The following EML6 variants were observed in gnomAD, a reference collection of about 807,000 sequenced individuals.
EML6 encodes the protein EMAP like 6.
Under a neutral mutation model 240.1 loss-of-function variants are expected in EML6, and 154 were observed. The observed-to-expected ratio is 0.64, with a 90% CI of 0.56 to 0.73. The LOEUF (loss-of-function observed/expected upper bound fraction) is 0.73. EML6 is among the 30% of genes least tolerant of loss of function. The pLI, the probability that EML6 is intolerant of heterozygous loss-of-function variation, is 0.00. For missense variants in EML6, 2,964 were observed against 2,474.6 expected (o/e 1.20, Z -4.20); for synonymous variants, 1,148 against 899.0 (o/e 1.28, Z -4.95).
intron 15 of EML6, among the ~76,000 whole-genome samples, chr2:54,870,940 C>G (rs7583424): frequency 6.6e-6 from 1 of 152,144 alleles, no homozygotes; most frequent in Admixed American, 6.5e-5. Flanking sequence ...AAAAACCACT[C>G]TACTATTATA....
At chr2:54,872,532 C>T (rs1046666072) in intron 16 of EML6, among the ~76,000 whole-genome samples, 9 of 152,190 alleles carry the variant, frequency 5.9e-5, no homozygotes, top group Admixed American at 5.9e-4. Flanking sequence ...GTCCATCCCA[C>T]CCTCTTCTGG....
At chr2:54,782,366 A>T (rs1668890610) in intron 2 of EML6, among the ~76,000 whole-genome samples, 2 of 152,230 alleles carry the variant, frequency 1.3e-5, no homozygotes. Context: ...AAGCATGATA[A>T]AAATGAGATT....
At chr2:54,791,641 T>G (rs1669458937) in intron 2 of EML6, among the ~76,000 whole-genome samples, 1 of 152,182 alleles carries the variant, frequency 6.6e-6, no homozygotes, top group Non-Finnish European at 1.5e-5. Flanking sequence ...CCTTTTGTTC[T>G]TCTCTCCATG....
chr2:54,869,849 C>A (rs1173143170), intron 15 of EML6, among the ~76,000 whole-genome samples: 1 of 151,874 alleles, frequency 6.6e-6, no homozygotes, highest in African/African-American at 2.4e-5. Flanking sequence ...TTTTGAAATG[C>A]CTTAACCTTA....
At chr2:54,924,630 C>T (rs148331376) in intron 26 of EML6, among the ~76,000 whole-genome samples, 77 of 152,276 alleles carry the variant, frequency 5.1e-4, no homozygotes, top group African/African-American at 1.1e-3. Context: ...GGCGTGATCT[C>T]GGCTCACTGC....
chr2:54,927,703 T>C (rs1674630501), intron 26 of EML6, among the ~76,000 whole-genome samples: 1 of 152,238 alleles, frequency 6.6e-6, no homozygotes, highest in Non-Finnish European at 1.5e-5. Flanking sequence ...CAAAAAGCTT[T>C]TAGTCGTTAC....
chr2:54,820,108 G>C (rs542568250), intron 4 of EML6, among the ~76,000 whole-genome samples: 35 of 152,228 alleles, frequency 2.3e-4, no homozygotes, highest in Admixed American at 5.2e-4. Context: ...ATCCTAAATT[G>C]TCCATTTGTT....
At chr2:54,957,418 C>T (rs1179317709) in intron 32 of EML6, among the ~76,000 whole-genome samples, 2 of 149,368 alleles carry the variant, frequency 1.3e-5, no homozygotes, top group Non-Finnish European at 3.0e-5. Context: ...GGGAGCGGCT[C>T]TGTCATCCTG....
chr2:54,752,260 T>G (rs1385584045), intron 2 of EML6, among the ~76,000 whole-genome samples: 2 of 152,232 alleles, frequency 1.3e-5, no homozygotes, highest in African/African-American at 2.4e-5. Context: ...GAAAAAATTA[T>G]TCATAGTTGA....
chr2:54,889,198 T>G (rs937343182), intron 17 of EML6, among the ~76,000 whole-genome samples: 2 of 152,198 alleles, frequency 1.3e-5, no homozygotes, highest in Non-Finnish European at 2.9e-5. Flanking sequence ...TTATGGAGCC[T>G]TTATAGATTG....
chr2:54,961,184 G>GTTGTTTTTTTTTTTTTGTTT lies in EML6; in HGVS notation c.4968+852_4968+853insGTTTTTTTTTTTTTGTTTTT. On this transcript the variant is annotated intron_variant, in intron 35 of 41. Coordinates refer to ENST00000356458, the MANE Select transcript of EML6 (RefSeq NM_001039753.4). Reference sequence around the variant, plus strand: ...GGAGCCTGGAAGTTATCAGGAAGTAGTTTTTTTTTTTTTTTTTTTGAGACG... The same window carrying GTTGTTTTTTTTTTTTTGTTT: ...GGAGCCTGGAAGTTATCAGGAAGTAGTTGTTTTTTTTTTTTTGTTTTTTTTTTTTTTTTTTTTTTGAGACG... Among the ~76,000 whole-genome samples the GTTGTTTTTTTTTTTTTGTTT allele has an allele frequency of 5.4e-5, 3 of 55,416 alleles. 1 individual carries two copies. Among genetic ancestry groups the GTTGTTTTTTTTTTTTTGTTT allele is most frequent in the African/African-American group, 2.4e-4 (3 of 12,370 alleles). 36.4% of individuals were successfully genotyped at this position (55,416 alleles called of 152,430 possible).
rs150772866 is a variant in EML6 at position 54,812,447 on chromosome 2, T to C, written c.198-785T>C. 5.3e-5 allele frequency among the ~76,000 whole-genome samples: 8 copies of C among 152,318 alleles called. No homozygotes were observed. The East Asian group carries it at 1.5e-3, about 29-fold the overall frequency. ...ACAATGAGCTAGTTTGCTATATAGG[T>C]AATGTGCTCTTGATTCCCAACGTCT... On this transcript the variant is annotated intron_variant, in intron 2 of 41. Transcript: ENST00000356458.
At chr2:54,892,424 A>G (rs774300221) in intron 18 of EML6, 30 bp from the exon 19 acceptor site, 1 of 1,486,310 alleles carries the variant, frequency 6.7e-7, no homozygotes, top group Non-Finnish European at 9.2e-7. Context: ...CAGATTTTAT[A>G]AAGTAATAAC....
At chr2:54,757,348 G>A (rs1300656302) in intron 2 of EML6, among the ~76,000 whole-genome samples, 2 of 152,178 alleles carry the variant, frequency 1.3e-5, no homozygotes, top group African/African-American at 4.8e-5. Context: ...TTTCACCATA[G>A]GGTGTTAAGG....
rs1472625007 is a variant in EML6 at position 54,829,469 on chromosome 2, G to A, written c.839G>A (p.Gly280Glu). The change falls in exon 7 of 42, where the codon GGA becomes GAA. Residue 280 changes from glycine (G) to glutamate (E), a missense_variant. Coordinates refer to ENST00000356458, the MANE Select transcript of EML6 (RefSeq NM_001039753.4). The stretch of plus-strand genomic sequence containing the variant: ...ATTGATCTCAGGGAGACAGAACAAG[G>A]ATACAAAGGTAATATATGTGTTAAG... ...TKIDLRETEQ[G>E]YKGLSIRSVC... 1.3e-5 allele frequency: 20 copies of A among 1,551,048 alleles called. No homozygotes were observed. The highest frequency in any genetic ancestry group is 1.7e-5 in the Non-Finnish European group (19 of 1,146,320).
At chr2:54,965,619 G>T (rs1003582433) in intron 38 of EML6, among the ~76,000 whole-genome samples, 1 of 152,144 alleles carries the variant, frequency 6.6e-6, no homozygotes, top group African/African-American at 2.4e-5. Flanking sequence ...GTGCTAATTG[G>T]TCAGAGATGA....
At chr2:54,838,735 C>T (rs916406113) in intron 7 of EML6, among the ~76,000 whole-genome samples, 9 of 152,084 alleles carry the variant, frequency 5.9e-5, no homozygotes, top group African/African-American at 2.2e-4. Flanking sequence ...TGCTCTCTAC[C>T]GCCATCTGCT....
At chr2:54,890,297 C>A (rs1169822418) in intron 17 of EML6, among the ~76,000 whole-genome samples, 1 of 152,132 alleles carries the variant, frequency 6.6e-6, no homozygotes, top group East Asian at 1.9e-4. Context: ...TCTCTATATT[C>A]GTAAGGCAGA....
At position 54,899,102 on chromosome 2, in the gene EML6, C is replaced by G. The variant is rs990677080; in HGVS notation, c.2983-539C>G. 3.9e-5 allele frequency among the ~76,000 whole-genome samples: 6 copies of G among 152,164 alleles called. No homozygotes were observed. In the East Asian group the frequency reaches 9.6e-4, roughly 24 times the overall value. ...GAGGACGCTTGAAATGAAAATTTAG[C>G]TTCCTTTACTTCTGCTCTGCCGAAT... On this transcript the variant is annotated intron_variant, in intron 21 of 41. Coordinates refer to ENST00000356458, the MANE Select transcript of EML6 (RefSeq NM_001039753.4).
Sources: allele counts gnomAD v4.1 joint callset (sites outside exome capture counted in the v4.1 genomes callset), GRCh38; gene constraint gnomAD v4.1.1; transcripts MANE v1.5; gene names NCBI Gene and HGNC (gene_info 2026-07-23, HGNC 2026-07-21).